The following PCDHA8 variants were observed in gnomAD, a reference collection of about 807,000 sequenced individuals.
PCDHA8 encodes protocadherin alpha-8.
Under a neutral mutation model 61.8 loss-of-function variants are expected in PCDHA8, and 53 were observed. That is an observed-to-expected ratio of 0.86 (90% CI 0.69 to 1.08). The LOEUF (loss-of-function observed/expected upper bound fraction) is 1.08, where lower values mean the gene tolerates loss of function less well. Among genes scored for constraint, PCDHA8 ranks in the 50% least tolerant of loss-of-function variants. The pLI is 0.00. For synonymous variants in PCDHA8, 618 were observed against 556.6 expected, an observed-to-expected ratio of 1.11 and a Z score of -1.55; for missense variants, 1,293 against 1,245.0, an observed-to-expected ratio of 1.04 and a Z score of -0.58.
At chr5:140,910,013 C>T (rs185824848) in intron 1 of PCDHA8, among the ~76,000 whole-genome samples, 4 of 152,256 alleles carry the variant, frequency 2.6e-5, no homozygotes, top group Non-Finnish European at 1.5e-5. Context: ...CAGTGTCATC[C>T]TTGTATCCCT....
rs782109045 is a variant in PCDHA8 at position 140,856,427 on chromosome 5, G to C, written c.2394+12712G>C. ...GGACGTGGAAGTGAAGGACATTAAC[G>C]ACAACCCGCCCAGGTTCTCCGTAAC... On this transcript the variant is annotated intron_variant, in intron 1 of 3. Transcript: ENST00000531613. 9 of 1,598,364 alleles carry C rather than the reference G, an allele frequency of 5.6e-6. 1 individual carries two copies. Among genetic ancestry groups the C allele is most frequent in the South Asian group, 1.1e-5 (1 of 90,520 alleles).
intron 1 of PCDHA8, among the ~76,000 whole-genome samples, chr5:140,895,413 C>G (rs141941836): frequency 6.6e-6 from 1 of 152,122 alleles, no homozygotes; most frequent in Non-Finnish European, 1.5e-5. Flanking sequence ...GCCCCATAAC[C>G]TTCTTTTGCT....
chr5:140,940,643 T>A (rs2092660320), intron 1 of PCDHA8, among the ~76,000 whole-genome samples: 1 of 152,226 alleles, frequency 6.6e-6, no homozygotes, highest in Non-Finnish European at 1.5e-5. Flanking sequence ...TGTCATTTAT[T>A]TATTTAAATA....
chr5:140,993,523 CAG>C (rs111789518), intron 3 of PCDHA8, among the ~76,000 whole-genome samples: 1,510 of 145,458 alleles, frequency 0.01, 24 homozygotes, highest in African/African-American at 0.035. Flanking sequence ...GAGAGAGAGA[CAG>C]AGAGAGAGAG....
rs200338376 is a variant in PCDHA8, at chr5:140,927,680, G to C, written c.2395-51269G>C. On this transcript the variant is annotated intron_variant, in intron 1 of 3. Transcript: ENST00000531613. ...GTTCAAGCCTTGGATCCAGATGAAGGGTCCAATGGGGAAGTCCAGTACTCC... is the reference window on the plus strand; with the variant it reads ...GTTCAAGCCTTGGATCCAGATGAAGCGTCCAATGGGGAAGTCCAGTACTCC... The C allele has an allele frequency of 2.2e-5, 36 of 1,614,022 alleles. No individual in the cohort carries two copies. The Admixed American group carries it at 4.5e-4, about 20-fold the overall frequency.
chr5:140,940,502 G>A (rs182744023), intron 1 of PCDHA8, among the ~76,000 whole-genome samples: 2 of 151,906 alleles, frequency 1.3e-5, no homozygotes, highest in Admixed American at 6.5e-5. Context: ...TTGCTCCGTC[G>A]CTCAGGCGTG....
chr5:140,868,980 G>T (rs2050777662), intron 1 of PCDHA8: 5 of 1,489,988 alleles, frequency 3.4e-6, no homozygotes, highest in South Asian at 1.4e-5. Context: ...CCATCATACC[G>T]GATGCCACCG....
In PCDHA8 at chr5:141,010,432, C is replaced by T; in HGVS notation, c.*495C>T. On this transcript the variant is annotated 3_prime_UTR_variant, in exon 4 of 4. Coordinates refer to ENST00000531613, the MANE Select transcript of PCDHA8 (RefSeq NM_018911.3). The stretch of plus-strand genomic sequence containing the variant: ...AATTGGTACAAGGAAGGCAAGAAAA[C>T]AAAGACAAATAAACAGCGGAAGTTA... 1 of 1,056,970 alleles carries T rather than the reference C, an allele frequency of 9.5e-7. No individual in the cohort carries two copies. The highest frequency in any genetic ancestry group is 1.3e-6 in the Non-Finnish European group (1 of 756,282). 65.5% of individuals were successfully genotyped at this position (1,056,970 alleles called of 1,614,324 possible).
In PCDHA8 at chr5:140,871,640, A is replaced by T; in HGVS notation, c.2394+27925A>T. 6 of 1,294,228 alleles carry T rather than the reference A, an allele frequency of 4.6e-6. No homozygotes were observed. The South Asian group carries it at 9.7e-5, about 21-fold the overall frequency. 80.2% of individuals were successfully genotyped at this position (1,294,228 alleles called of 1,614,324 possible). A position where few individuals can be genotyped will look rare whatever the true frequency, so the allele number is the denominator to read the frequency against. On this transcript the variant is annotated intron_variant, in intron 1 of 3. Transcript: ENST00000531613. The stretch of plus-strand genomic sequence containing the variant: ...TTAGATAACAATGTCTGTTCATAAA[A>T]TACCAAATGATACACATCTTCAGTC...
In PCDHA8 at chr5:140,856,537, G is replaced by T. The variant is rs782543512; in HGVS notation, c.2394+12822G>T. 18 of 1,598,256 alleles carry T rather than the reference G, an allele frequency of 1.1e-5. 3 individuals carry two copies. The highest frequency in any genetic ancestry group is 1.5e-5 in the Non-Finnish European group (18 of 1,167,836). ...GCGCATCTGATGCGGATGTTGGAGA[G>T]AACGCATTGCTTACTTACAAACTCA... On this transcript the variant is annotated intron_variant, in intron 1 of 3. Coordinates refer to ENST00000531613, the MANE Select transcript of PCDHA8 (RefSeq NM_018911.3).
chr5:140,980,545 G>A lies in PCDHA8; in HGVS notation c.2453+1538G>A, dbSNP rs190037193. ...CTAGGGAGGCTGAGGCAGGAGAATC[G>A]CTTGAACCCGGGAGGCGGAAGTTGC... On this transcript the variant is annotated intron_variant, in intron 2 of 3. Transcript: ENST00000531613. 4.1e-3 allele frequency among the ~76,000 whole-genome samples: 627 copies of A among 152,232 alleles called. 4 individuals are homozygous for A. Among genetic ancestry groups the A allele is most frequent in the Non-Finnish European group, 6.8e-3 (460 of 67,996 alleles).
intron 1 of PCDHA8, among the ~76,000 whole-genome samples, chr5:140,925,081 GA>G (rs2082282278): frequency 1.4e-5 from 2 of 146,052 alleles, no homozygotes; most frequent in African/African-American, 2.7e-5. Flanking sequence ...CGCTCATCTG[GA>G]AAGGAAGGAA....
At chr5:140,856,596 A>G in intron 1 of PCDHA8, 1 of 1,597,802 alleles carries the variant, frequency 6.3e-7, no homozygotes, top group Non-Finnish European at 8.6e-7. Flanking sequence ...GATATTATAA[A>G]CAAAAAAGAC....
chr5:140,851,225 C>G, intron 1 of PCDHA8: 4 of 1,141,878 alleles, frequency 3.5e-6, no homozygotes, highest in Non-Finnish European at 3.3e-6. Context: ...ACATCACTAT[C>G]ATTTATTTAT....
At chr5:140,949,963 A>G (rs1044562957) in intron 1 of PCDHA8, among the ~76,000 whole-genome samples, 1 of 151,750 alleles carries the variant, frequency 6.6e-6, no homozygotes, top group African/African-American at 2.4e-5. Context: ...TGCTGTAAGG[A>G]TTACAGCATA....
chr5:140,842,822 G>A lies in PCDHA8; in HGVS notation c.1501G>A (p.Glu501Lys), dbSNP rs2150345251. Reference protein sequence around the residue: ...SYSLVERRVGERSLSSYISVH... With the variant: ...SYSLVERRVGKRSLSSYISVH... The stretch of plus-strand genomic sequence containing the variant: ...CTCGCTTGTGGAGCGGCGGGTGGGC[G>A]AGCGCTCGCTGTCGAGCTACATTTC... Residue 501 changes from glutamate to lysine, a missense_variant, in exon 1 of 4, where the codon GAG becomes AAG. Physicochemically the swap from Glu to Lys is moderately conservative, Grantham distance 56. Coordinates refer to ENST00000531613, the MANE Select transcript of PCDHA8 (RefSeq NM_018911.3). The A allele has an allele frequency of 1.9e-6, 3 of 1,593,810 alleles. No homozygotes were observed. Among genetic ancestry groups the A allele is most frequent in the South Asian group, 2.2e-5 (2 of 90,416 alleles).
At chr5:140,969,038 A>G in intron 1 of PCDHA8, 1 of 1,614,148 alleles carries the variant, frequency 6.2e-7, no homozygotes, top group South Asian at 1.1e-5. Context: ...AGAACTGTAC[A>G]AACAAGCCAA....
rs2150358815 is a variant in PCDHA8 at position 140,843,384 on chromosome 5, G to A, written c.2063G>A (p.Gly688Asp). The A allele has an allele frequency of 2.5e-6, 4 of 1,596,128 alleles. No individual in the cohort carries two copies. The Admixed American group carries it at 6.7e-5, about 27-fold the overall frequency. Residue 688 changes from glycine (G) to aspartate (D), a missense_variant, in exon 1 of 4, where the codon GGT (glycine) becomes GAT (aspartate). By Grantham distance (94) the Gly-to-Asp change is moderately conservative (BLOSUM62 -1). Coordinates refer to ENST00000531613, the MANE Select transcript of PCDHA8 (RefSeq NM_018911.3). ...TCGAGGCAGTCGGCTGGCGTTTTGG[G>A]TCCGGAAGCGGCGCTGGTGGATGTC... ...ASSRQSAGVL[G>D]PEAALVDVNV...
At chr5:141,003,658 A>G (rs1379758431) in intron 3 of PCDHA8, among the ~76,000 whole-genome samples, 2 of 152,212 alleles carry the variant, frequency 1.3e-5, no homozygotes, top group Non-Finnish European at 2.9e-5. Flanking sequence ...GTATGCATTT[A>G]TTAAAATATA....
Sources: allele counts gnomAD v4.1 joint callset (sites outside exome capture counted in the v4.1 genomes callset), GRCh38; gene constraint gnomAD v4.1.1; transcripts MANE v1.5; gene names NCBI Gene and HGNC (gene_info 2026-07-23, HGNC 2026-07-21).